Variants in PRLR observed in about 807,000 individuals in gnomAD.
PRLR encodes prolactin receptor.
PRLR carries 13 observed loss-of-function variants against 40.2 expected under a neutral mutation model. The ratio of observed to expected loss-of-function variants is 0.32; its 90% CI spans 0.21 to 0.51. PRLR has a LOEUF of 0.51. PRLR is among the 20% of genes least tolerant of loss of function. The probability of loss-of-function intolerance (pLI) is 0.97; values close to 1 mark genes in which losing one functional copy is unlikely to be tolerated. For missense variants in PRLR, 656 were observed against 747.3 expected (o/e 0.88, Z 1.42); for synonymous variants, 269 against 278.7 (o/e 0.97, Z 0.35).
rs111333878 is a variant in PRLR, at chr5:35,174,240, C to T, written c.-106+56028G>A. Among the ~76,000 whole-genome samples the T allele has an allele frequency of 4.9e-3, 753 of 152,304 alleles. 12 individuals are homozygous for T. Among genetic ancestry groups the T allele is most frequent in the African/African-American group, 0.017 (711 of 41,556 alleles). On this transcript the variant is annotated intron_variant, in intron 1 of 9. Coordinates refer to ENST00000618457, the MANE Select transcript of PRLR (RefSeq NM_000949.7). ...AAGTAGCTGGGACTACAGGCGTAGG[C>T]CGCCACGCCCGGCTAATTTTTTGTA...
chr5:35,103,015 A>T (rs1771997824), intron 2 of PRLR, among the ~76,000 whole-genome samples: 1 of 152,178 alleles, frequency 6.6e-6, no homozygotes, highest in Non-Finnish European at 1.5e-5. Context: ...AATTTTAGAA[A>T]ATTAAGGTGG....
intron 1 of PRLR, among the ~76,000 whole-genome samples, chr5:35,204,631 A>G (rs1775967991): frequency 6.6e-6 from 1 of 152,214 alleles, no homozygotes; most frequent in Non-Finnish European, 1.5e-5. Flanking sequence ...GAAATAGAAA[A>G]AATACATTTG....
At chr5:35,090,789 CTCTTTTT>C in intron 2 of PRLR, among the ~76,000 whole-genome samples, 1 of 105,102 alleles carries the variant, frequency 9.5e-6, no homozygotes, top group African/African-American at 3.3e-5. Context: ...CATCAATTAG[CTCTTTTT>C]TTTTTTTTTT....
At chr5:35,161,375 G>A (rs1294627447) in intron 1 of PRLR, among the ~76,000 whole-genome samples, 1 of 152,154 alleles carries the variant, frequency 6.6e-6, no homozygotes, top group Non-Finnish European at 1.5e-5. Context: ...AAAGGGATAG[G>A]TTGGATGGTT....
intron 2 of PRLR, among the ~76,000 whole-genome samples, chr5:35,108,774 A>G (rs532204362): frequency 2.3e-4 from 35 of 152,360 alleles, no homozygotes; most frequent in Non-Finnish European, 4.3e-4. Context: ...CAACATCATA[A>G]AAATGGCCAT....
intron 3 of PRLR, among the ~76,000 whole-genome samples, chr5:35,087,869 G>A (rs1046063581): frequency 6.6e-6 from 1 of 152,168 alleles, no homozygotes; most frequent in African/African-American, 2.4e-5. Context: ...GACTTCAGCT[G>A]ATCCTCTTTT....
chr5:35,210,370 T>C (rs907102617), intron 1 of PRLR, among the ~76,000 whole-genome samples: 16 of 152,236 alleles, frequency 1.1e-4, no homozygotes, highest in African/African-American at 3.1e-4. Context: ...CTTTGTTTTA[T>C]GAATTTTGCA....
chr5:35,152,059 G>A (rs1451759252), intron 1 of PRLR, among the ~76,000 whole-genome samples: 2 of 152,144 alleles, frequency 1.3e-5, no homozygotes, highest in Non-Finnish European at 2.9e-5. Context: ...AAAGTAAGAT[G>A]AAAAATACTA....
At chr5:35,178,038 C>T (rs548212231) in intron 1 of PRLR, among the ~76,000 whole-genome samples, 2 of 151,468 alleles carry the variant, frequency 1.3e-5, no homozygotes, top group East Asian at 1.9e-4. Flanking sequence ...GACTCATTGT[C>T]GTTCTGATTT....
chr5:35,079,486 A>G (rs1357960566), intron 5 of PRLR, among the ~76,000 whole-genome samples: 1 of 152,208 alleles, frequency 6.6e-6, no homozygotes, highest in East Asian at 1.9e-4. Context: ...AATACCTAGG[A>G]ACCCAACTTA....
chr5:35,109,504 C>G (rs563433668), intron 2 of PRLR, among the ~76,000 whole-genome samples: 1 of 152,262 alleles, frequency 6.6e-6, no homozygotes, highest in Admixed American at 6.5e-5. Context: ...CTACAAAGAA[C>G]TTACAAATTT....
At chr5:35,117,466 C>A (rs1773092649) in intron 2 of PRLR, among the ~76,000 whole-genome samples, 1 of 152,130 alleles carries the variant, frequency 6.6e-6, no homozygotes, top group Non-Finnish European at 1.5e-5. Flanking sequence ...AGTCAGGGGG[C>A]TTGGTTTCTC....
rs1173719145 is a variant in PRLR, at chr5:35,063,591, C to T, written c.*1498G>A. 1 of 152,150 alleles carries T rather than the reference C, an allele frequency of 6.6e-6. No individual in the cohort carries two copies. The highest frequency in any genetic ancestry group is 1.5e-5 in the Non-Finnish European group (1 of 68,024). 9.4% of individuals were successfully genotyped at this position (152,150 alleles called of 1,614,324 possible). A position where few individuals can be genotyped will look rare whatever the true frequency, so the allele number is the denominator to read the frequency against. On this transcript the variant is annotated 3_prime_UTR_variant, in exon 10 of 10. Transcript: ENST00000618457. ...CTCTGGGAAGCAAATACCTAGTTTCCCAGAACTTTTATTTGGACACTTCTG... is the reference window on the plus strand; with the variant it reads ...CTCTGGGAAGCAAATACCTAGTTTCTCAGAACTTTTATTTGGACACTTCTG...
chr5:35,147,487 T>G (rs1774214381), intron 1 of PRLR, among the ~76,000 whole-genome samples: 1 of 152,206 alleles, frequency 6.6e-6, no homozygotes, highest in African/African-American at 2.4e-5. Flanking sequence ...GAGTTGATAA[T>G]CAGACAATTT....
chr5:35,168,691 A>G (rs995769423), intron 1 of PRLR, among the ~76,000 whole-genome samples: 1 of 152,162 alleles, frequency 6.6e-6, no homozygotes, highest in East Asian at 1.9e-4. Flanking sequence ...GGAGCAATGA[A>G]TAGGCTGAGC....
At chr5:35,167,851 A>C (rs557452817) in intron 1 of PRLR, among the ~76,000 whole-genome samples, 3 of 136,090 alleles carry the variant, frequency 2.2e-5, no homozygotes, top group Non-Finnish European at 4.8e-5. Context: ...TCATTGTTTA[A>C]AATTTTTATA....
At chr5:35,077,745 A>C (rs189732039) in intron 5 of PRLR, among the ~76,000 whole-genome samples, 1 of 152,328 alleles carries the variant, frequency 6.6e-6, no homozygotes, top group Non-Finnish European at 1.5e-5. Flanking sequence ...AATCAACAGA[A>C]TATACATTCT....
At position 35,065,300 on chromosome 5, in the gene PRLR, A is replaced by G. The variant is rs1769283730; in HGVS notation, c.1658T>C (p.Met553Thr). Residue 553 changes from methionine to threonine, a missense_variant, in exon 10 of 10, where the codon ATG (methionine) becomes ACG (threonine). Met to Thr is a moderately conservative substitution (Grantham distance 81, BLOSUM62 -1). Around this residue, in one of 3 missense-constraint regions of PRLR, gnomAD observed 469 missense variants for 491.5 expected, o/e 0.95. Coordinates refer to ENST00000618457, the MANE Select transcript of PRLR (RefSeq NM_000949.7). ...NKEYAKVSGV[M>T]DNNILVLVPD... ...CACCAACACCAGGATGTTGTTATCCATGACCCCGGACACCTTGGCATACTC... is the reference window on the plus strand; with the variant it reads ...CACCAACACCAGGATGTTGTTATCCGTGACCCCGGACACCTTGGCATACTC... 2 of 1,614,142 alleles carry G rather than the reference A, an allele frequency of 1.2e-6. No individual in the cohort carries two copies. Among genetic ancestry groups the G allele is most frequent in the South Asian group, 1.1e-5 (1 of 91,084 alleles).
chr5:35,127,689 T>C (rs1000329675), intron 1 of PRLR, among the ~76,000 whole-genome samples: 1 of 152,176 alleles, frequency 6.6e-6, no homozygotes, highest in Non-Finnish European at 1.5e-5. Flanking sequence ...AAGGAAGCAC[T>C]GATACATGCT....
Sources: gnomAD v4.1 joint callset for allele counts (sites outside exome capture counted in the v4.1 genomes callset) on GRCh38, gnomAD v4.1.1 for gene constraint, gnomAD v4.1.1 regional missense constraint, MANE v1.5 for transcripts, NCBI Gene and HGNC (gene_info 2026-07-23, HGNC 2026-07-21) for gene names.